The following PIAS4 variants were observed in gnomAD, a reference collection of about 807,000 sequenced individuals.
The protein encoded by PIAS4 is E3 SUMO-protein ligase PIAS4.
A neutral mutation model predicts 58.0 loss-of-function variants in PIAS4; 7 were observed. The ratio of observed to expected loss-of-function variants is 0.12; its 90% CI spans 0.07 to 0.23. The LOEUF is 0.23. Among genes scored for constraint, PIAS4 ranks in the 10% least tolerant of loss-of-function variants. The probability of loss-of-function intolerance (pLI) is 1.00; values close to 1 mark genes in which losing one functional copy is unlikely to be tolerated. For synonymous variants in PIAS4, 364 were observed against 312.4 expected (o/e 1.17, Z -1.74); for missense variants, 550 against 709.5 (o/e 0.78, Z 2.55).
intron 2 of PIAS4, among the ~76,000 whole-genome samples, chr19:4,020,253 C>T (rs942710773): frequency 2.0e-5 from 3 of 152,148 alleles, no homozygotes; most frequent in Admixed American, 6.5e-5. Context: ...CAAGACAGTG[C>T]TGGTAGTTGA....
At chr19:4,016,483 G>A (rs544552537) in intron 2 of PIAS4, among the ~76,000 whole-genome samples, 1 of 152,334 alleles carries the variant, frequency 6.6e-6, no homozygotes, top group Non-Finnish European at 1.5e-5. Context: ...AAGCCCTTGG[G>A]CCAGCATTGC....
intron 7 of PIAS4, among the ~76,000 whole-genome samples, chr19:4,032,371 C>T (rs998397486): frequency 4.6e-5 from 7 of 152,084 alleles, no homozygotes; most frequent in African/African-American, 1.7e-4. Context: ...TGGCCCAGGG[C>T]TGGGGTCTCT....
chr19:4,023,998 G>A, intron 2 of PIAS4, 38 bp from the exon 3 acceptor site: 1 of 1,443,646 alleles, frequency 6.9e-7, no homozygotes, highest in Non-Finnish European at 9.8e-7. Flanking sequence ...GGACCTGCCA[G>A]GGACCAGACA....
chr19:4,024,049 C>A lies in PIAS4; in HGVS notation c.468C>A (p.Asn156Lys), dbSNP rs1208981777. The change falls in exon 3 of 11, where the codon AAC (asparagine) becomes AAA (lysine). Residue 156 changes from asparagine to lysine, a missense_variant. By Grantham distance (94) the Asn-to-Lys change is moderately conservative. Coordinates refer to ENST00000262971, the MANE Select transcript of PIAS4 (RefSeq NM_015897.4). ...GTTTGTCTTCAGTCCCACAGAACAA[C>A]GAGAAGCTTCAGGAGAGCCCGTGCA... is the stretch of plus-strand genomic sequence containing the variant. ...LKPTELVPQN[N>K]EKLQESPCIF... 2 of 1,613,388 alleles carry A rather than the reference C, an allele frequency of 1.2e-6. No homozygotes were observed. The highest frequency in any genetic ancestry group is 1.3e-5 in the African/African-American group (1 of 74,906).
rs779151004 is a variant in PIAS4, at chr19:4,013,195, G to A, written c.300G>A (p.Pro100=). The A allele has an allele frequency of 5.6e-5, 90 of 1,613,524 alleles. No individual in the cohort carries two copies. Among genetic ancestry groups the A allele is most frequent in the Middle Eastern group, 1.6e-4 (1 of 6,062 alleles). ...YDRAGAVPRT[P]LAGPNIDYPV... ...GGGCCGGCGCTGTGCCCAGGACTCC[G>A]CTGGCAGGCCCCAATATTGACTACC... The change falls in exon 2 of 11, where the codon CCG becomes CCA. Residue 100 remains proline, a synonymous_variant. Transcript: ENST00000262971. This position sits in a 1 kb window ranked among gnomAD's most constrained non-coding sequence, Gnocchi z 5.1.
rs765260744 is a variant in PIAS4 at position 4,013,402 on chromosome 19, C to CGCCCA, written c.454+67_454+71dup. The stretch of plus-strand genomic sequence containing the variant: ...ACTGGAGGCTTCACCTAGGCCCCGT[C>CGCCCA]GCCCAGCCCAGCCCAGCCACACAGC... On this transcript the variant is annotated intron_variant, in intron 2 of 10. Coordinates refer to ENST00000262971, the MANE Select transcript of PIAS4 (RefSeq NM_015897.4). This position sits in a 1 kb window ranked among gnomAD's most constrained non-coding sequence, Gnocchi z 5.1. 755 of 1,502,372 alleles carry CGCCCA rather than the reference C, an allele frequency of 5.0e-4. No homozygotes were observed. Among genetic ancestry groups the CGCCCA allele is most frequent in the Middle Eastern group, 6.6e-4 (3 of 4,540 alleles). The allele number at this position is 1,502,372 out of a possible 1,614,324, so 93.1% of individuals were successfully genotyped here.
chr19:4,033,082 TC>T lies in PIAS4; in HGVS notation c.908-16del, dbSNP rs1280697096. The T allele has an allele frequency of 1.2e-6, 2 of 1,608,092 alleles. No homozygotes were observed. Among genetic ancestry groups the T allele is most frequent in the Admixed American group, 1.7e-5 (1 of 59,970 alleles). On this transcript the variant is annotated splice_polypyrimidine_tract_variant and intron_variant, in intron 7 of 10. Transcript: ENST00000262971. The stretch of plus-strand genomic sequence containing the variant: ...TGTTCCCACCCTCCTGACGGTGTCT[TC>T]CGTTCCCTCCCCACAGTCAAGGAGA...
In PIAS4 at chr19:4,013,178, G is replaced by C. The variant is rs577156557; in HGVS notation, c.283G>C (p.Ala95Pro). The C allele has an allele frequency of 1.2e-6, 2 of 1,613,440 alleles. No individual in the cohort carries two copies. The highest frequency in any genetic ancestry group is 1.7e-6 in the Non-Finnish European group (2 of 1,180,020). ...TMHSTYDRAG[A>P]VPRTPLAGPN... ...GCACTCCACCTACGACCGGGCCGGC[G>C]CTGTGCCCAGGACTCCGCTGGCAGG... The change falls in exon 2 of 11, where the codon GCT becomes CCT. Residue 95 changes from alanine (A) to proline (P), a missense_variant. Ala to Pro is a conservative substitution (Grantham distance 27). This residue lies in a region of PIAS4 where 95 missense variants were observed against 87.5 expected (regional missense o/e 1.09). Coordinates refer to ENST00000262971, the MANE Select transcript of PIAS4 (RefSeq NM_015897.4). This position sits in a 1 kb window ranked among gnomAD's most constrained non-coding sequence, Gnocchi z 5.1.
rs112858956 is a variant in PIAS4 at position 4,023,521 on chromosome 19, C to T, written c.455-515C>T. The stretch of plus-strand genomic sequence containing the variant: ...CAATGTTTTCTGACTGCGCCTCTGC[C>T]TGTCAGTCCAGTTGTAAGTAAGAGG... On this transcript the variant is annotated intron_variant, in intron 2 of 10. Transcript: ENST00000262971. 8.1e-3 allele frequency among the ~76,000 whole-genome samples: 1,229 copies of T among 152,342 alleles called. 26 individuals carry two copies. The highest frequency in any genetic ancestry group is 0.027 in the African/African-American group (1,137 of 41,576).
chr19:4,028,499 TGTC>T lies in PIAS4; in HGVS notation c.582-8_582-6del, dbSNP rs1371429150. Reference sequence around the variant, plus strand: ...CCCCTCCCCGCCCCATGGTCCCTGTTGTCGTTGCAGAATCTGTTACTCAGACAC... The same window carrying T: ...CCCCTCCCCGCCCCATGGTCCCTGTTGTTGCAGAATCTGTTACTCAGACAC... On this transcript the variant is annotated splice_polypyrimidine_tract_variant and splice_region_variant and intron_variant, in intron 4 of 10. Coordinates refer to ENST00000262971, the MANE Select transcript of PIAS4 (RefSeq NM_015897.4). 4 of 1,608,496 alleles carry T rather than the reference TGTC, an allele frequency of 2.5e-6. No homozygotes were observed. The highest frequency in any genetic ancestry group is 2.2e-5 in the East Asian group (1 of 44,848).
Position 4,037,735 on chromosome 19 carries a change from G to A in PIAS4, c.1393G>A (p.Val465Met). 6.2e-7 allele frequency: 1 copy of A among 1,611,202 alleles called. No homozygotes were observed. Among genetic ancestry groups the A allele is most frequent in the Non-Finnish European group, 8.5e-7 (1 of 1,179,270 alleles). ...GGAGAATGGGAAGCCGGGCGCCGAT[G>A]TGGTGGACCTCACGCTGGACAGCTC... ...SMENGKPGAD[V>M]VDLTLDSSSS... Residue 465 changes from valine to methionine, a missense_variant, in exon 11 of 11, where the codon GTG becomes ATG. Val to Met is a conservative substitution (Grantham distance 21, BLOSUM62 1). Transcript: ENST00000262971. The surrounding 1 kb of genome is among the most constrained non-coding windows in gnomAD (Gnocchi z 5.8).
chr19:4,018,001 G>A (rs1030540205), intron 2 of PIAS4, among the ~76,000 whole-genome samples: 1 of 152,034 alleles, frequency 6.6e-6, no homozygotes, highest in East Asian at 1.9e-4. Context: ...TAATGGAGAC[G>A]GGGTTTCGTC....
chr19:4,017,916 C>G (rs1044348099), intron 2 of PIAS4: 2 of 152,242 alleles, frequency 1.3e-5, no homozygotes, highest in Admixed American at 6.5e-5. Flanking sequence ...TTCAGGTGAT[C>G]CACCTACCTT....
At chr19:4,008,461 C>T (rs771604258) in intron 1 of PIAS4, among the ~76,000 whole-genome samples, 6 of 152,172 alleles carry the variant, frequency 3.9e-5, no homozygotes, top group Non-Finnish European at 5.9e-5. Context: ...AGAACCCCGC[C>T]CCCTTCCCGA....
Position 4,028,740 on chromosome 19 carries a change from G to A in PIAS4, c.693G>A (p.Lys231=), listed in dbSNP as rs537389301. The change falls in exon 6 of 11, where the codon AAG becomes AAA. Residue 231 remains lysine (K), a synonymous_variant. Transcript: ENST00000262971. ...TGCAGGGCTACTACCCCTCCAATAA[G>A]CCCGGGGTGGAGCCCAAGAGGCCGT... is the stretch of plus-strand genomic sequence containing the variant. ...CSVPGYYPSN[K]PGVEPKRPCR... is the part of the protein sequence containing the mutation. The A allele has an allele frequency of 2.8e-4, 445 of 1,612,298 alleles. 3 individuals carry two copies. The South Asian group carries it at 4.2e-3, about 15-fold the overall frequency.
chr19:4,012,113 C>A lies in PIAS4; in HGVS notation c.28-810C>A, dbSNP rs2040001419. ...CGTGAGCTGTGGGTATTTAGCACCA[C>A]ACAGAGCCCAGGATGGCCCCAGTGT... On this transcript the variant is annotated intron_variant, in intron 1 of 10. Transcript: ENST00000262971. Among the ~76,000 whole-genome samples, 4 of 151,696 alleles carry A rather than the reference C, an allele frequency of 2.6e-5. No individual in the cohort carries two copies. In the South Asian group the frequency reaches 8.3e-4, roughly 31 times the overall value.
intron 1 of PIAS4, among the ~76,000 whole-genome samples, chr19:4,008,595 A>G (rs1363961331): frequency 2.0e-5 from 3 of 151,542 alleles, no homozygotes; most frequent in Non-Finnish European, 4.4e-5. Flanking sequence ...CCTTTTTTTA[A>G]TCTTAAATCC....
chr19:4,029,114 G>A, intron 7 of PIAS4, 78 bp downstream of exon 7: 1 of 1,051,476 alleles, frequency 9.5e-7, no homozygotes. Context: ...TGAAGCGGGG[G>A]GCCCTGCACC....
chr19:4,032,572 C>T (rs902643894), intron 7 of PIAS4, among the ~76,000 whole-genome samples: 4 of 152,232 alleles, frequency 2.6e-5, no homozygotes, highest in African/African-American at 9.6e-5. Context: ...AGCTTGCTGG[C>T]GGGCACCGTC....
Sources: gnomAD v4.1 joint callset for allele counts (sites outside exome capture counted in the v4.1 genomes callset) on GRCh38, gnomAD v4.1.1 for gene constraint, gnomAD v4.1.1 regional missense constraint, Gnocchi (gnomAD v3.1) non-coding constraint, MANE v1.5 for transcripts, NCBI Gene and HGNC (gene_info 2026-07-23, HGNC 2026-07-21) for gene names.